Variants in B4GALT5 observed in about 807,000 individuals in gnomAD.
B4GALT5 encodes beta-1,4-galactosyltransferase 5.
A neutral mutation model predicts 45.0 loss-of-function variants in B4GALT5; 11 were observed. The observed-to-expected ratio is 0.24, with a 90% CI of 0.15 to 0.40. B4GALT5 has a LOEUF of 0.40. B4GALT5 is among the 10% of genes least tolerant of loss of function. The pLI, the probability that B4GALT5 is intolerant of heterozygous loss-of-function variation, is 1.00. For missense variants in B4GALT5, 337 were observed against 500.2 expected (o/e 0.67, Z 3.11); for synonymous variants, 185 against 182.9 (o/e 1.01, Z -0.09).
chr20:49,650,292 C>T (rs1041045661), intron 2 of B4GALT5, among the ~76,000 whole-genome samples: 1 of 152,018 alleles, frequency 6.6e-6, no homozygotes, highest in Non-Finnish European at 1.5e-5. Flanking sequence ...GAAACTTACT[C>T]TACATCTTGG....
intron 7 of B4GALT5, among the ~76,000 whole-genome samples, chr20:49,639,359 G>GT (rs140587766): frequency 1.3e-5 from 2 of 149,326 alleles, no homozygotes; most frequent in Non-Finnish European, 3.0e-5. Flanking sequence ...GGATGTGTGT[G>GT]GTGTGTGTGT....
At position 49,713,800 on chromosome 20, in the gene B4GALT5, CCGGGCCTCG is replaced by C. The variant is rs2085933121; in HGVS notation, c.-119_-111del. 1 of 180,952 alleles carries C rather than the reference CCGGGCCTCG, an allele frequency of 5.5e-6. No homozygotes were observed. Among genetic ancestry groups the C allele is most frequent in the South Asian group, 1.6e-4 (1 of 6,266 alleles). The allele number at this position is 180,952 out of a possible 1,614,324, so 11.2% of individuals were successfully genotyped here. The stretch of plus-strand genomic sequence containing the variant: ...CCGCCTGGGCCTCGGCCACCGCCTC[CCGGGCCTCG>C]CGGGCCGCCACTCGCCGCCGCCGCC... On this transcript the variant is annotated 5_prime_UTR_variant, in exon 1 of 9. Coordinates refer to ENST00000371711, the MANE Select transcript of B4GALT5 (RefSeq NM_004776.4).
chr20:49,669,885 TA>T (rs5841762), intron 1 of B4GALT5, among the ~76,000 whole-genome samples: 121,035 of 151,962 alleles, frequency 0.8, 48,302 homozygotes, highest in Middle Eastern at 0.9. Context: ...CAGACTGGTA[TA>T]AACCCTTTGG....
chr20:49,696,653 G>T (rs2085840719), intron 1 of B4GALT5, among the ~76,000 whole-genome samples: 1 of 152,122 alleles, frequency 6.6e-6, no homozygotes, highest in Non-Finnish European at 1.5e-5. Context: ...AATTCCTGAG[G>T]TGCAAAATTT....
rs2085726398 is a variant in B4GALT5 at position 49,673,970 on chromosome 20, G to T, written c.116-17268C>A. 2.7e-5 allele frequency among the ~76,000 whole-genome samples: 4 copies of T among 150,826 alleles called. No individual in the cohort carries two copies. The South Asian group carries it at 6.3e-4, about 24-fold the overall frequency. On this transcript the variant is annotated intron_variant, in intron 1 of 8. Transcript: ENST00000371711. Reference sequence around the variant, plus strand: ...AAAGTTCTGGGGGCCAGGCATGGTGGTTCACGCCTGTAATCCCACCACTTT... The same window carrying T: ...AAAGTTCTGGGGGCCAGGCATGGTGTTTCACGCCTGTAATCCCACCACTTT...
At chr20:49,712,720 G>T (rs1451725372) in intron 1 of B4GALT5, among the ~76,000 whole-genome samples, 1 of 149,730 alleles carries the variant, frequency 6.7e-6, no homozygotes, top group Non-Finnish European at 1.5e-5. Flanking sequence ...AGAAGTGGAA[G>T]AAAGAACACA....
intron 1 of B4GALT5, among the ~76,000 whole-genome samples, chr20:49,704,940 G>T (rs1410334789): frequency 6.6e-6 from 1 of 151,946 alleles, no homozygotes; most frequent in Non-Finnish European, 1.5e-5. Context: ...TCCGTCACCT[G>T]CAAAGGCAGA....
At position 49,636,509 on chromosome 20, in the gene B4GALT5, C is replaced by T. The variant is rs199627637; in HGVS notation, c.1020-50G>A. ...AGGTGGCTCTGAGTGAGGATCCATG[C>T]CTCTGCAGCCAGAGGATGGAGCAGG... is the stretch of plus-strand genomic sequence containing the variant. On this transcript the variant is annotated intron_variant, in intron 8 of 8. Coordinates refer to ENST00000371711, the MANE Select transcript of B4GALT5 (RefSeq NM_004776.4). 2,598 of 1,595,820 alleles carry T rather than the reference C, an allele frequency of 1.6e-3. 4 individuals are homozygous for T. The highest frequency in any genetic ancestry group is 1.8e-3 in the Non-Finnish European group (2,056 of 1,166,076).
intron 1 of B4GALT5, among the ~76,000 whole-genome samples, chr20:49,683,946 G>A (rs1357482633): frequency 6.6e-6 from 1 of 151,230 alleles, no homozygotes; most frequent in Non-Finnish European, 1.5e-5. Context: ...TTTGAGACCA[G>A]CCTGGCCAAC....
At chr20:49,671,055 A>C (rs1401184176) in intron 1 of B4GALT5, among the ~76,000 whole-genome samples, 1 of 152,198 alleles carries the variant, frequency 6.6e-6, no homozygotes, top group Non-Finnish European at 1.5e-5. Context: ...AATAATGATT[A>C]TTGTTTTAGA....
At position 49,713,702 on chromosome 20, in the gene B4GALT5, G is replaced by A. The variant is rs1438954653; in HGVS notation, c.-12C>T. The A allele has an allele frequency of 1.5e-6, 2 of 1,352,388 alleles. No homozygotes were observed. The highest frequency in any genetic ancestry group is 2.6e-5 in the Admixed American group (1 of 38,240). 83.8% of individuals were successfully genotyped at this position (1,352,388 alleles called of 1,614,324 possible). A position where few individuals can be genotyped will look rare whatever the true frequency, so the allele number is the denominator to read the frequency against. ...CGGCGGGCGCGCATGCTGCAGCCAGGCGGCCGCTAGAGAGCCAGGCCGGGC... is the reference window on the plus strand; with the variant it reads ...CGGCGGGCGCGCATGCTGCAGCCAGACGGCCGCTAGAGAGCCAGGCCGGGC... On this transcript the variant is annotated 5_prime_UTR_variant, in exon 1 of 9. Coordinates refer to ENST00000371711, the MANE Select transcript of B4GALT5 (RefSeq NM_004776.4).
chr20:49,637,567 AACTG>A (rs2085559387), intron 7 of B4GALT5, 125 bp from the exon 8 acceptor site: 1 of 680,154 alleles, frequency 1.5e-6, no homozygotes, highest in Non-Finnish European at 2.6e-6. Context: ...TCACCCGCTT[AACTG>A]ACTCATTGTG....
intron 1 of B4GALT5, among the ~76,000 whole-genome samples, chr20:49,696,205 G>T (rs184161311): frequency 6.6e-6 from 1 of 152,136 alleles, no homozygotes; most frequent in African/African-American, 2.4e-5. Flanking sequence ...ACAAACTAGA[G>T]AAAAAATAAC....
intron 1 of B4GALT5, among the ~76,000 whole-genome samples, chr20:49,689,367 G>A (rs1395079373): frequency 6.6e-6 from 1 of 152,148 alleles, no homozygotes; most frequent in Non-Finnish European, 1.5e-5. Context: ...TCACGGGAGT[G>A]GTGTGATTCA....
intron 1 of B4GALT5, among the ~76,000 whole-genome samples, chr20:49,681,885 C>G (rs976325782): frequency 6.6e-6 from 1 of 152,114 alleles, no homozygotes; most frequent in East Asian, 1.9e-4. Context: ...GGCTTGAGCT[C>G]AAGAGTTTAA....
intron 1 of B4GALT5, among the ~76,000 whole-genome samples, chr20:49,665,504 G>C (rs2085686600): frequency 6.7e-6 from 1 of 148,960 alleles, no homozygotes; most frequent in Non-Finnish European, 1.5e-5. Context: ...CAAGTCCTAA[G>C]GACTTTTTAC....
At position 49,639,797 on chromosome 20, in the gene B4GALT5, A is replaced by G. The variant is rs749862561; in HGVS notation, c.798T>C (p.Leu266=). The change falls in exon 7 of 9, where the codon CTT becomes CTC. Residue 266 remains leucine, a synonymous_variant. Coordinates refer to ENST00000371711, the MANE Select transcript of B4GALT5 (RefSeq NM_004776.4). ...CTCCGCCAAAGAACTCGGTATAAGG[A>G]AGCCTAGGAGGAGATGTGGGACATC... ...ATKLDKYMYL[L]PYTEFFGGVS... 6.2e-7 allele frequency: 1 copy of G among 1,612,894 alleles called. No individual in the cohort carries two copies. Among genetic ancestry groups the G allele is most frequent in the African/African-American group, 1.3e-5 (1 of 75,016 alleles).
At position 49,635,580 on chromosome 20, in the gene B4GALT5, T is replaced by TA. The variant is rs1190182436; in HGVS notation, c.*731dup. 1 of 152,558 alleles carries TA rather than the reference T, an allele frequency of 6.6e-6. No individual in the cohort carries two copies. The highest frequency in any genetic ancestry group is 1.5e-5 in the Non-Finnish European group (1 of 68,046). 9.5% of individuals were successfully genotyped at this position (152,558 alleles called of 1,614,324 possible). ...GAGATGACATTCTTCAACTGCATTT[T>TA]AACTGAGTTCCTGCACTTGCCAACC... On this transcript the variant is annotated 3_prime_UTR_variant, in exon 9 of 9. Transcript: ENST00000371711.
intron 1 of B4GALT5, among the ~76,000 whole-genome samples, chr20:49,667,903 T>C (rs1327432863): frequency 1.3e-5 from 2 of 152,202 alleles, no homozygotes; most frequent in South Asian, 2.1e-4. Flanking sequence ...ATGCATTACA[T>C]ACATTAACAT....
Sources: gnomAD v4.1 joint callset for allele counts (sites outside exome capture counted in the v4.1 genomes callset) on GRCh38, gnomAD v4.1.1 for gene constraint, MANE v1.5 for transcripts, NCBI Gene and HGNC (gene_info 2026-07-23, HGNC 2026-07-21) for gene names.